Variants in SYNE2 observed in about 807,000 individuals in gnomAD.
SYNE2 encodes the protein nesprin-2.
A neutral mutation model predicts 856.3 loss-of-function variants in SYNE2; 431 were observed. The observed-to-expected ratio is 0.50, with a 90% CI of 0.47 to 0.55. The LOEUF (loss-of-function observed/expected upper bound fraction) is 0.55, where lower values mean the gene tolerates loss of function less well. SYNE2 is among the 20% of genes least tolerant of loss of function. The pLI is 0.00. For missense variants in SYNE2, 8,129 were observed against 8,023.2 expected (o/e 1.01, Z -0.50); for synonymous variants, 2,923 against 2,872.3 (o/e 1.02, Z -0.56).
intron 11 of SYNE2, among the ~76,000 whole-genome samples, chr14:63,968,851 C>T (rs556042067): frequency 3.9e-5 from 6 of 152,314 alleles, no homozygotes; most frequent in South Asian, 2.1e-4. Context: ...AATCCAGTTA[C>T]ACTCTTCAAG....
chr14:64,187,722 G>C (rs1170380272), intron 97 of SYNE2, among the ~76,000 whole-genome samples: 1 of 152,030 alleles, frequency 6.6e-6, no homozygotes, highest in African/African-American at 2.4e-5. Flanking sequence ...CATATAGTGG[G>C]GTGTCAAAAC....
chr14:63,896,703 C>G (rs571009885), intron 1 of SYNE2, among the ~76,000 whole-genome samples: 27 of 152,286 alleles, frequency 1.8e-4, no homozygotes, highest in Admixed American at 3.3e-4. Flanking sequence ...TCTCCTGACT[C>G]TAAGTCTAGT....
chr14:63,930,911 A>T (rs538317186), intron 2 of SYNE2, among the ~76,000 whole-genome samples: 2 of 152,168 alleles, frequency 1.3e-5, no homozygotes, highest in East Asian at 3.9e-4. Flanking sequence ...TGAGGAGGGG[A>T]TCCGGGGAAC....
At chr14:63,898,767 G>C (rs78352164) in intron 1 of SYNE2, among the ~76,000 whole-genome samples, 9,076 of 152,164 alleles carry the variant, frequency 0.06, 868 homozygotes, top group African/African-American at 0.2. Context: ...CTTTGTGTGT[G>C]AGGAAATTAC....
chr14:64,164,368 C>T (rs2098357608), intron 89 of SYNE2, among the ~76,000 whole-genome samples: 1 of 152,112 alleles, frequency 6.6e-6, no homozygotes, highest in South Asian at 2.1e-4. Context: ...CCTTGGCCTC[C>T]CAAAATGCTG....
chr14:64,033,109 A>G (rs2097054646), intron 45 of SYNE2, among the ~76,000 whole-genome samples: 1 of 152,206 alleles, frequency 6.6e-6, no homozygotes, highest in Non-Finnish European at 1.5e-5. Flanking sequence ...TTGAGGTTGC[A>G]GTGAGCCATG....
At chr14:64,160,456 G>A (rs965552313) in intron 87 of SYNE2, among the ~76,000 whole-genome samples, 1 of 152,242 alleles carries the variant, frequency 6.6e-6, no homozygotes, top group South Asian at 2.1e-4. Flanking sequence ...GGATTGGTAA[G>A]TAGGTAGGAT....
At chr14:63,768,920 T>G (rs979501342) in intron 1 of SYNE2, among the ~76,000 whole-genome samples, 2 of 151,598 alleles carry the variant, frequency 1.3e-5, no homozygotes, top group South Asian at 2.1e-4. Context: ...ACAAGACATA[T>G]TAATTGCAAT....
chr14:63,885,605 C>T (rs1448556046), intron 1 of SYNE2, among the ~76,000 whole-genome samples: 4 of 150,950 alleles, frequency 2.6e-5, no homozygotes, highest in Admixed American at 6.7e-5. Flanking sequence ...TTTTTAATTT[C>T]GATATATTTT....
At chr14:63,850,593 T>C (rs1200451504), upstream of SYNE2, among the ~76,000 whole-genome samples, 1 of 152,104 alleles carries the variant, frequency 6.6e-6, no homozygotes, top group Non-Finnish European at 1.5e-5. Context: ...CACTTCAAAG[T>C]ACAGAGGATC....
chr14:64,041,594 A>C (rs1030783223), intron 45 of SYNE2, among the ~76,000 whole-genome samples: 2 of 152,174 alleles, frequency 1.3e-5, no homozygotes, highest in African/African-American at 4.8e-5. Context: ...CATGCCTGTA[A>C]TCTCAGCACT....
upstream of SYNE2, among the ~76,000 whole-genome samples, chr14:63,850,567 A>G (rs1253173499): frequency 1.7e-5 from 2 of 121,110 alleles, no homozygotes; most frequent in Admixed American, 1.8e-4. Flanking sequence ...TTGGCTTAAC[A>G]TTAACATTTG....
chr14:64,216,513 T>C, intron 108 of SYNE2, 126 bp downstream of exon 108: 1 of 1,093,844 alleles, frequency 9.1e-7, no homozygotes, highest in South Asian at 1.3e-5. Context: ...TTGGTTTTCT[T>C]ATGGTGACAG....
At chr14:64,015,007 A>G (rs949306306) in intron 32 of SYNE2, among the ~76,000 whole-genome samples, 2 of 144,054 alleles carry the variant, frequency 1.4e-5, no homozygotes, top group East Asian at 3.9e-4. Flanking sequence ...ATAAATATAT[A>G]TATGTGTATA....
At chr14:64,000,968 G>C (rs560962549) in intron 28 of SYNE2, among the ~76,000 whole-genome samples, 1 of 152,302 alleles carries the variant, frequency 6.6e-6, no homozygotes, top group Non-Finnish European at 1.5e-5. Context: ...GTCTGCCAAA[G>C]TTCAGAGGCC....
chr14:63,823,239 C>T lies in SYNE2; in HGVS notation c.-304-29262C>T, dbSNP rs553865315. 1.5e-3 allele frequency among the ~76,000 whole-genome samples: 229 copies of T among 151,138 alleles called. 1 individual carries two copies. The Middle Eastern group carries it at 0.02, about 13-fold the overall frequency. ...TGTGGTCCAGGCTGGAGTGCAGTGG[C>T]GCAATCTCGGCTCACTGCAACCTCC... On this transcript the variant is annotated intron_variant, in intron 1 of 23. Coordinates refer to the SYNE2 transcript ENST00000674003.
At chr14:63,826,941 G>C (rs921023709) in intron 1 of SYNE2, among the ~76,000 whole-genome samples, 5 of 152,090 alleles carry the variant, frequency 3.3e-5, no homozygotes, top group African/African-American at 1.2e-4. Context: ...GAAAATATTT[G>C]CAAATTATAT....
Position 64,052,536 on chromosome 14 carries a change from G to A in SYNE2, c.8623G>A (p.Val2875Ile). 2 of 1,614,136 alleles carry A rather than the reference G, an allele frequency of 1.2e-6. No homozygotes were observed. Among genetic ancestry groups the A allele is most frequent in the Non-Finnish European group, 1.7e-6 (2 of 1,180,042 alleles). ...GGAAGCTGAACTAAAACATCACCAT[G>A]TTACTTTGGAGGCATCTCAGAAGGA... ...ATEAELKHHH[V>I]TLEASQKELQ... is the part of the protein sequence containing the mutation. Residue 2875 changes from valine (V) to isoleucine (I), a missense_variant, in exon 48 of 116, where the codon GTT becomes ATT. Val to Ile is a conservative substitution (Grantham distance 29). Coordinates refer to ENST00000555002, the MANE Select transcript of SYNE2 (RefSeq NM_182914.3).
At chr14:64,054,958 G>C (rs1360021478) in intron 48 of SYNE2, among the ~76,000 whole-genome samples, 2 of 152,318 alleles carry the variant, frequency 1.3e-5, no homozygotes, top group South Asian at 2.1e-4. Flanking sequence ...TAATAAATGA[G>C]TAATTTGAGT....
Sources: allele counts gnomAD v4.1 joint callset (sites outside exome capture counted in the v4.1 genomes callset), GRCh38; gene constraint gnomAD v4.1.1; transcripts MANE v1.5; gene names NCBI Gene and HGNC (gene_info 2026-07-23, HGNC 2026-07-21).